MED13L: variants seen among roughly 807,000 people sequenced by gnomAD.
MED13L encodes the protein mediator of RNA polymerase II transcription subunit 13-like.
MED13L carries 7 observed loss-of-function variants against 220.9 expected under a neutral mutation model. The observed-to-expected ratio is 0.03, with a 90% CI of 0.02 to 0.06. The LOEUF (loss-of-function observed/expected upper bound fraction) is 0.06. Among genes scored for constraint, MED13L ranks in the 10% least tolerant of loss-of-function variants. The pLI, the probability that MED13L is intolerant of heterozygous loss-of-function variation, is 1.00. For synonymous variants in MED13L, 1,011 were observed against 1,015.2 expected, an observed-to-expected ratio of 1.00 and a Z score of 0.08; for missense variants, 1,965 against 2,760.5, an observed-to-expected ratio of 0.71 and a Z score of 6.46.
chr12:115,994,973 A>G (rs1345171970), intron 16 of MED13L, among the ~76,000 whole-genome samples: 1 of 152,236 alleles, frequency 6.6e-6, no homozygotes, highest in East Asian at 1.9e-4. Flanking sequence ...AGACCCACGT[A>G]AAATGGTCAT....
intron 2 of MED13L, among the ~76,000 whole-genome samples, chr12:116,227,558 C>T (rs1040603107): frequency 4.6e-5 from 7 of 152,152 alleles, no homozygotes; most frequent in African/African-American, 1.7e-4. Flanking sequence ...TATGGTGGAT[C>T]TGTGATCAGT....
chr12:116,134,351 AC>A (rs1876337139), intron 2 of MED13L, among the ~76,000 whole-genome samples: 2 of 152,206 alleles, frequency 1.3e-5, no homozygotes, highest in Admixed American at 1.3e-4. Flanking sequence ...ACAAAAAGAT[AC>A]AGATTCAGTG....
intron 2 of MED13L, among the ~76,000 whole-genome samples, chr12:116,235,829 T>C (rs1870031267): frequency 1.3e-5 from 2 of 152,252 alleles, no homozygotes; most frequent in South Asian, 2.1e-4. Context: ...TCATTAGCAG[T>C]TGGGTTTGGT....
intron 29 of MED13L, among the ~76,000 whole-genome samples, chr12:115,965,799 T>C (rs939213147): frequency 1.3e-5 from 2 of 152,176 alleles, no homozygotes; most frequent in Non-Finnish European, 1.5e-5. Flanking sequence ...AGAAAGACCA[T>C]CACATTGAAC....
At chr12:116,225,214 G>A (rs1868850850) in intron 2 of MED13L, among the ~76,000 whole-genome samples, 1 of 152,266 alleles carries the variant, frequency 6.6e-6, no homozygotes, top group African/African-American at 2.4e-5. Context: ...TGTATATTGG[G>A]ACTAATCACT....
chr12:116,276,552 C>G, intron 1 of MED13L: 3 of 1,251,740 alleles, frequency 2.4e-6, no homozygotes, highest in Non-Finnish European at 3.1e-6. Context: ...CTGACACAAT[C>G]GCATTCAATC....
chr12:116,023,603 T>C (rs1385920601), intron 4 of MED13L, among the ~76,000 whole-genome samples: 1 of 152,068 alleles, frequency 6.6e-6, no homozygotes, highest in African/African-American at 2.4e-5. Context: ...AAGGAAAACA[T>C]GAAATAAAAT....
chr12:115,996,362 G>T (rs983701380), intron 16 of MED13L, 114 bp downstream of exon 16: 3 of 1,203,456 alleles, frequency 2.5e-6, no homozygotes, highest in Non-Finnish European at 3.7e-6. Context: ...AAAGTGCTGG[G>T]ATTACAGGCA....
At position 115,958,686 on chromosome 12, in the gene MED13L, CTTTTT is replaced by C. The variant is rs1227263868; in HGVS notation, c.*2575_*2579del. ...AAATGGAGGCCTTTTATTATTGTTT[CTTTTT>C]ATCAAAGTCTTTTAGTGTACTGTAC... On this transcript the variant is annotated 3_prime_UTR_variant, in exon 31 of 31. Transcript: ENST00000281928. The C allele has an allele frequency of 6.6e-6, 1 of 152,236 alleles. No individual in the cohort carries two copies. The highest frequency in any genetic ancestry group is 2.4e-5 in the African/African-American group (1 of 41,422). The allele number at this position is 152,236 out of a possible 1,614,324, so 9.4% of individuals were successfully genotyped here.
At chr12:115,964,279 A>G (rs779444485) in intron 29 of MED13L, among the ~76,000 whole-genome samples, 11 of 152,348 alleles carry the variant, frequency 7.2e-5, no homozygotes, top group Non-Finnish European at 8.8e-5. Flanking sequence ...TGAGGAAGAT[A>G]ATGCTCCATT....
intron 16 of MED13L, among the ~76,000 whole-genome samples, chr12:115,993,221 G>T (rs1878181655): frequency 6.6e-6 from 1 of 152,034 alleles, no homozygotes; most frequent in Admixed American, 6.5e-5. Context: ...ATCCCCCAAG[G>T]ATACCAAGGG....
At chr12:116,103,952 G>A (rs1873315980) in intron 3 of MED13L, among the ~76,000 whole-genome samples, 1 of 143,202 alleles carries the variant, frequency 7.0e-6, no homozygotes, top group Non-Finnish European at 1.5e-5. Flanking sequence ...GCTCCAGTGA[G>A]TATGTTATTC....
intron 4 of MED13L, among the ~76,000 whole-genome samples, chr12:116,072,266 G>A (rs1261158532): frequency 6.6e-6 from 1 of 152,234 alleles, no homozygotes; most frequent in African/African-American, 2.4e-5. Context: ...ATTTACTGTG[G>A]GAAAGGTCCT....
Position 116,046,951 on chromosome 12 carries a change from C to T in MED13L, c.480-24350G>A, listed in dbSNP as rs192263061. 2.4e-4 allele frequency among the ~76,000 whole-genome samples: 36 copies of T among 151,990 alleles called. No individual in the cohort carries two copies. In the East Asian group the frequency reaches 5.1e-3, roughly 21 times the overall value. ...TCGCACCAATGCACTCCAGCCTGGG[C>T]GACAGAGTGAGACTCCCTCTCAAAA... On this transcript the variant is annotated intron_variant, in intron 4 of 30. Transcript: ENST00000281928.
At chr12:115,981,062 C>G in intron 22 of MED13L, 124 bp from the exon 23 acceptor site, 1 of 749,962 alleles carries the variant, frequency 1.3e-6, no homozygotes. Context: ...GAGAGGTAAC[C>G]TCAGCCTTAA....
chr12:116,165,465 G>GGACT (rs1336689883), intron 2 of MED13L, among the ~76,000 whole-genome samples: 1 of 151,790 alleles, frequency 6.6e-6, no homozygotes, highest in Non-Finnish European at 1.5e-5. Context: ...CAAGCAGCTA[G>GGACT]GACTATAGGC....
At chr12:116,228,129 C>T (rs912300509) in intron 2 of MED13L, among the ~76,000 whole-genome samples, 7 of 151,910 alleles carry the variant, frequency 4.6e-5, no homozygotes, top group African/African-American at 9.7e-5. Context: ...TCTACCAAGA[C>T]GGAGAGAGGT....
intron 2 of MED13L, among the ~76,000 whole-genome samples, chr12:116,120,649 AAG>A (rs749720443): frequency 6.6e-6 from 1 of 152,014 alleles, no homozygotes; most frequent in East Asian, 1.9e-4. Flanking sequence ...AAAAGTCTAT[AAG>A]AAAGTCCTAT....
chr12:116,131,265 A>C (rs772507442), intron 2 of MED13L, among the ~76,000 whole-genome samples: 3 of 152,246 alleles, frequency 2.0e-5, no homozygotes, highest in Non-Finnish European at 4.4e-5. Flanking sequence ...GAAATTATAC[A>C]CAAAATAATC....
Sources: allele counts gnomAD v4.1 joint callset (sites outside exome capture counted in the v4.1 genomes callset), GRCh38; gene constraint gnomAD v4.1.1; transcripts MANE v1.5; gene names NCBI Gene and HGNC (gene_info 2026-07-23, HGNC 2026-07-21).